MDGA2: variants seen among roughly 807,000 people sequenced by gnomAD.
MDGA2 encodes the protein MAM domain-containing glycosylphosphatidylinositol anchor protein 2.
A neutral mutation model predicts 117.8 loss-of-function variants in MDGA2; 40 were observed. The observed-to-expected ratio is 0.34, with a 90% CI of 0.26 to 0.44. The LOEUF is 0.44. Among genes scored for constraint, MDGA2 ranks in the 20% least tolerant of loss-of-function variants. The pLI is 1.00. For synonymous variants in MDGA2, 452 were observed against 439.0 expected (o/e 1.03, Z -0.37); for missense variants, 1,123 against 1,250.6 (o/e 0.90, Z 1.54).
chr14:47,668,756 T>G (rs1424758843), intron 1 of MDGA2, among the ~76,000 whole-genome samples: 1 of 152,200 alleles, frequency 6.6e-6, no homozygotes, highest in Non-Finnish European at 1.5e-5. Flanking sequence ...CCTTCCAAAA[T>G]AGCCAAAAGG....
intron 8 of MDGA2, among the ~76,000 whole-genome samples, chr14:47,014,001 G>C (rs1887994431): frequency 6.6e-6 from 1 of 151,442 alleles, no homozygotes; most frequent in South Asian, 2.1e-4. Context: ...CACCATGTTG[G>C]CCAGGCTGGT....
intron 1 of MDGA2, among the ~76,000 whole-genome samples, chr14:47,325,966 A>G (rs962156869): frequency 3.9e-5 from 6 of 152,178 alleles, no homozygotes; most frequent in African/African-American, 1.4e-4. Flanking sequence ...ATTGCGGAAG[A>G]TGCCCAGAAT....
intron 3 of MDGA2, among the ~76,000 whole-genome samples, chr14:47,153,687 C>CA (rs1358991310): frequency 4.2e-5 from 4 of 94,146 alleles, no homozygotes; most frequent in Non-Finnish European, 8.7e-5. Context: ...TAAGTACAGG[C>CA]AAAAAAAGAA....
chr14:47,383,772 G>A (rs561474834), intron 1 of MDGA2, among the ~76,000 whole-genome samples: 6 of 152,158 alleles, frequency 3.9e-5, no homozygotes, highest in Non-Finnish European at 5.9e-5. Context: ...TGATCCACAC[G>A]CCTCAGCCTC....
intron 8 of MDGA2, among the ~76,000 whole-genome samples, chr14:47,000,884 G>T (rs1335402942): frequency 1.3e-5 from 2 of 151,940 alleles, no homozygotes; most frequent in African/African-American, 4.8e-5. Context: ...ATTAAAGTAA[G>T]CATAGTTTGA....
rs184768987 is a variant in MDGA2, at chr14:46,872,585, C to G, written c.2752+848G>C. On this transcript the variant is annotated intron_variant, in intron 14 of 16. Coordinates refer to ENST00000399232, the MANE Select transcript of MDGA2 (RefSeq NM_001113498.3). ...CATGTGATATCTTCTGGAATGGTCT[C>G]GAGTAGAATCATATTATTAAAAACA... is the stretch of plus-strand genomic sequence containing the variant. Among the ~76,000 whole-genome samples the G allele has an allele frequency of 3.9e-3, 587 of 151,800 alleles. 8 individuals are homozygous for G. Among genetic ancestry groups the G allele is most frequent in the African/African-American group, 0.012 (510 of 41,422 alleles).
intron 5 of MDGA2, among the ~76,000 whole-genome samples, chr14:47,124,520 A>G (rs974294722): frequency 6.6e-6 from 1 of 152,084 alleles, no homozygotes; most frequent in East Asian, 1.9e-4. Flanking sequence ...TTATAAACTT[A>G]TGTCTGAAAT....
chr14:47,224,029 C>T (rs927711769), intron 2 of MDGA2, among the ~76,000 whole-genome samples: 5 of 152,054 alleles, frequency 3.3e-5, no homozygotes, highest in Non-Finnish European at 7.4e-5. Flanking sequence ...CTACCACACA[C>T]GGGGATTGTG....
At chr14:47,106,717 A>T (rs1880709541) in intron 5 of MDGA2, among the ~76,000 whole-genome samples, 1 of 151,610 alleles carries the variant, frequency 6.6e-6, no homozygotes, top group Non-Finnish European at 1.5e-5. Context: ...GCTTCCGGTA[A>T]CTCTCACAGT....
Position 47,233,675 on chromosome 14 carries a change from G to A in MDGA2, c.421-15480C>T, listed in dbSNP as rs114318398. ...AAGATGTTACTATAGAAAATTTTAC[G>A]CAAAGGGCGGGAAAACAACATTTTG... is the stretch of plus-strand genomic sequence containing the variant. On this transcript the variant is annotated intron_variant, in intron 2 of 16. Coordinates refer to ENST00000399232, the MANE Select transcript of MDGA2 (RefSeq NM_001113498.3). Among the ~76,000 whole-genome samples, 365 of 152,178 alleles carry A rather than the reference G, an allele frequency of 2.4e-3. 2 individuals are homozygous for A. Among genetic ancestry groups the A allele is most frequent in the African/African-American group, 8.4e-3 (349 of 41,542 alleles).
chr14:47,139,871 TAC>T (rs35861727), intron 4 of MDGA2, among the ~76,000 whole-genome samples: 26,117 of 140,118 alleles, frequency 0.19, 2,567 homozygotes, highest in East Asian at 0.29. Context: ...TATATATATA[TAC>T]ACACACACAC....
At chr14:47,356,637 C>T (rs1890999971) in intron 1 of MDGA2, among the ~76,000 whole-genome samples, 1 of 152,154 alleles carries the variant, frequency 6.6e-6, no homozygotes, top group Non-Finnish European at 1.5e-5. Context: ...AGGGGCCCTT[C>T]CCTGTCTGTG....
intron 1 of MDGA2, among the ~76,000 whole-genome samples, chr14:47,661,752 T>C (rs908799241): frequency 1.8e-4 from 26 of 145,856 alleles, no homozygotes; most frequent in Non-Finnish European, 3.5e-4. Context: ...GTTTCTTTTT[T>C]TTTTTTTTTT....
intron 3 of MDGA2, among the ~76,000 whole-genome samples, chr14:47,213,822 A>T (rs1885975503): frequency 6.6e-6 from 1 of 152,132 alleles, no homozygotes; most frequent in Non-Finnish European, 1.5e-5. Context: ...GTAATTCATG[A>T]AAGAAAGAGG....
intron 1 of MDGA2, among the ~76,000 whole-genome samples, chr14:47,504,601 T>G (rs1201965940): frequency 6.6e-6 from 1 of 152,064 alleles, no homozygotes; most frequent in African/African-American, 2.4e-5. Context: ...AAATGCCCAT[T>G]ACTGATCCTG....
chr14:47,347,767 A>G (rs539598125), intron 1 of MDGA2, among the ~76,000 whole-genome samples: 35 of 152,320 alleles, frequency 2.3e-4, no homozygotes, highest in Non-Finnish European at 4.6e-4. Flanking sequence ...GCAGCAGAAG[A>G]AAGTGTGAAG....
At chr14:47,098,261 GA>G (rs71112482) in intron 5 of MDGA2, among the ~76,000 whole-genome samples, 17,642 of 89,166 alleles carry the variant, frequency 0.2, 1,012 homozygotes, top group Middle Eastern at 0.28. Flanking sequence ...TGCCGTGTTT[GA>G]AAAAAAAAAA....
chr14:47,172,108 T>A (rs902077409), intron 3 of MDGA2, among the ~76,000 whole-genome samples: 7 of 152,126 alleles, frequency 4.6e-5, no homozygotes, highest in Non-Finnish European at 8.8e-5. Flanking sequence ...GCACCCACCA[T>A]AGCCCAGGCT....
chr14:47,159,589 ATTC>A (rs1185732217), intron 3 of MDGA2, among the ~76,000 whole-genome samples: 2 of 152,282 alleles, frequency 1.3e-5, no homozygotes, highest in Admixed American at 1.3e-4. Flanking sequence ...GCATATGAGT[ATTC>A]TTCTTCCTGA....
Sources: gnomAD v4.1 joint callset for allele counts (sites outside exome capture counted in the v4.1 genomes callset) on GRCh38, gnomAD v4.1.1 for gene constraint, MANE v1.5 for transcripts, NCBI Gene and HGNC (gene_info 2026-07-23, HGNC 2026-07-21) for gene names.